Variants in FNIP2 observed in about 807,000 individuals in gnomAD.
The protein encoded by FNIP2 is folliculin-interacting protein 2.
Under a neutral mutation model 108.7 loss-of-function variants are expected in FNIP2, and 32 were observed. The observed-to-expected ratio is 0.29, with a 90% CI of 0.22 to 0.40. The LOEUF (loss-of-function observed/expected upper bound fraction) is 0.40. Among genes scored for constraint, FNIP2 ranks in the 10% least tolerant of loss-of-function variants. The probability of loss-of-function intolerance (pLI) is 1.00; values close to 1 mark genes in which losing one functional copy is unlikely to be tolerated. For synonymous variants in FNIP2, 480 were observed against 496.7 expected, an observed-to-expected ratio of 0.97 and a Z score of 0.45; for missense variants, 1,202 against 1,381.6, an observed-to-expected ratio of 0.87 and a Z score of 2.06.
chr4:158,807,361 G>C (rs1361667109), intron 1 of FNIP2, among the ~76,000 whole-genome samples: 5 of 151,956 alleles, frequency 3.3e-5, no homozygotes, highest in Admixed American at 3.3e-4. Flanking sequence ...TAATTAGCAG[G>C]GCATGGGGGC....
chr4:158,847,827 T>C (rs776098131), intron 7 of FNIP2, among the ~76,000 whole-genome samples: 1 of 152,172 alleles, frequency 6.6e-6, no homozygotes, highest in Non-Finnish European at 1.5e-5. Flanking sequence ...TGAAGAGCCC[T>C]TGGGCGTTAA....
At chr4:158,838,416 T>G (rs1778933649) in intron 7 of FNIP2, among the ~76,000 whole-genome samples, 1 of 152,076 alleles carries the variant, frequency 6.6e-6, no homozygotes, top group African/African-American at 2.4e-5. Flanking sequence ...AGATGGAGTT[T>G]CGCCATGTTG....
At position 158,907,350 on chromosome 4, in the gene FNIP2, A is replaced by G. The variant is rs1316993611; in HGVS notation, c.*2806A>G. 1 of 152,146 alleles carries G rather than the reference A, an allele frequency of 6.6e-6. No individual in the cohort carries two copies. The highest frequency in any genetic ancestry group is 1.9e-4 in the East Asian group (1 of 5,200). The allele number at this position is 152,146 out of a possible 1,614,324, so 9.4% of individuals were successfully genotyped here. A position where few individuals can be genotyped will look rare whatever the true frequency, so the allele number is the denominator to read the frequency against. On this transcript the variant is annotated 3_prime_UTR_variant, in exon 17 of 17. Coordinates refer to ENST00000264433, the MANE Select transcript of FNIP2 (RefSeq NM_020840.3). ...CTGTTTTTTAATGAAAGTAACTATA[A>G]TCTTTTCACATCCCATGGAACTGCC...
chr4:158,848,542 A>G (rs1342843904), intron 7 of FNIP2, among the ~76,000 whole-genome samples: 1 of 152,164 alleles, frequency 6.6e-6, no homozygotes, highest in Non-Finnish European at 1.5e-5. Flanking sequence ...TACAATCAAT[A>G]CCTAACTCTT....
At chr4:158,872,734 GTT>G in intron 14 of FNIP2, 4 of 806,920 alleles carry the variant, frequency 5.0e-6, no homozygotes, top group South Asian at 5.9e-5. Context: ...CTATGGTAGT[GTT>G]TTTTTTTTTT....
Position 158,869,262 on chromosome 4 carries a change from A to T in FNIP2, c.2626A>T (p.Asn876Tyr), listed in dbSNP as rs1205045473. The T allele has an allele frequency of 1.2e-6, 2 of 1,613,892 alleles. No homozygotes were observed. The highest frequency in any genetic ancestry group is 1.7e-6 in the Non-Finnish European group (2 of 1,179,886). The change falls in exon 13 of 17, where the codon AAC (asparagine) becomes TAC (tyrosine). Residue 876 changes from asparagine (N) to tyrosine (Y), a missense_variant. Around this residue, in one of 5 missense-constraint regions of FNIP2, gnomAD observed 878 missense variants for 990.3 expected, o/e 0.89. Coordinates refer to ENST00000264433, the MANE Select transcript of FNIP2 (RefSeq NM_020840.3). Reference protein sequence around the residue: ...AGANIPCGDDNKKANFRTEGD... With the variant: ...AGANIPCGDDYKKANFRTEGD... ...TGCGAATATCCCCTGTGGGGATGAC[A>T]ACAAGAAGGCCAACTTCAGGACTGA...
chr4:158,813,852 G>A (rs1264893205), intron 1 of FNIP2, among the ~76,000 whole-genome samples: 1 of 152,152 alleles, frequency 6.6e-6, no homozygotes, highest in Non-Finnish European at 1.5e-5. Context: ...GTTTATTTTT[G>A]TGAAGGATGT....
intron 1 of FNIP2, among the ~76,000 whole-genome samples, chr4:158,787,943 GCTCCTCCTTTC>G (rs1776275364): frequency 6.6e-6 from 1 of 152,106 alleles, no homozygotes; most frequent in African/African-American, 2.4e-5. Context: ...TTGGAACTTG[GCTCCTCCTTTC>G]CTCCTTTAAC....
At position 158,891,794 on chromosome 4, in the gene FNIP2, C is replaced by T. The variant is rs188404103; in HGVS notation, c.3150+148C>T. ...AAACTAGAACATGCAGCATAAAACT[C>T]GCAACAGGATAGATTTCAGTAGTAA... On this transcript the variant is annotated intron_variant, in intron 15 of 16. Transcript: ENST00000264433. 6.0e-3 allele frequency: 4,580 copies of T among 766,678 alleles called. 20 individuals are homozygous for T. The highest frequency in any genetic ancestry group is 8.4e-3 in the Non-Finnish European group (4,087 of 486,968). The allele number at this position is 766,678 out of a possible 1,614,324, so 47.5% of individuals were successfully genotyped here.
chr4:158,828,932 T>C, intron 2 of FNIP2, 147 bp from the exon 3 acceptor site: 1 of 626,066 alleles, frequency 1.6e-6, no homozygotes, highest in Admixed American at 3.5e-5. Flanking sequence ...ACCATGTTTT[T>C]GTCATTATTG....
chr4:158,871,298 T>C (rs1035361230), intron 14 of FNIP2: 1 of 835,880 alleles, frequency 1.2e-6, no homozygotes, highest in Non-Finnish European at 1.4e-6. Context: ...TGTGCAAAAA[T>C]AGACATTTTG....
chr4:158,770,544 AAATT>A (rs775169591), intron 1 of FNIP2, among the ~76,000 whole-genome samples: 10 of 152,162 alleles, frequency 6.6e-5, no homozygotes, highest in Admixed American at 1.3e-4. Context: ...GGTCATGTGA[AAATT>A]AAACGTGTGT....
At chr4:158,811,696 G>T (rs75600262) in intron 1 of FNIP2, among the ~76,000 whole-genome samples, 10,333 of 152,126 alleles carry the variant, frequency 0.068, 485 homozygotes, top group Middle Eastern at 0.15. Context: ...AACTTCTGGG[G>T]TAATTCTAAC....
At chr4:158,785,074 A>G (rs1443505594) in intron 1 of FNIP2, among the ~76,000 whole-genome samples, 1 of 147,928 alleles carries the variant, frequency 6.8e-6, no homozygotes, top group African/African-American at 2.6e-5. Flanking sequence ...ATTAGCCAGT[A>G]TATAAAGTTC....
intron 1 of FNIP2, among the ~76,000 whole-genome samples, chr4:158,820,283 C>T (rs550318421): frequency 6.6e-6 from 1 of 152,222 alleles, no homozygotes; most frequent in South Asian, 2.1e-4. Context: ...CATGCTTTTT[C>T]CACATGGGGA....
intron 2 of FNIP2, among the ~76,000 whole-genome samples, chr4:158,826,590 AT>A (rs1048149957): frequency 2.6e-5 from 4 of 151,810 alleles, no homozygotes; most frequent in East Asian, 1.9e-4. Flanking sequence ...TTTATTTCCC[AT>A]TTTTTTTGTG....
At chr4:158,785,876 G>A (rs1369200914) in intron 1 of FNIP2, among the ~76,000 whole-genome samples, 2 of 152,002 alleles carry the variant, frequency 1.3e-5, no homozygotes, top group Non-Finnish European at 1.5e-5. Context: ...TTGTTTCTGA[G>A]GTCATATCTG....
intron 14 of FNIP2, among the ~76,000 whole-genome samples, chr4:158,886,942 T>C (rs1032040543): frequency 3.3e-5 from 5 of 152,214 alleles, no homozygotes; most frequent in Admixed American, 3.3e-4. Context: ...GGAAAAAAGA[T>C]GTTAGCATTA....
intron 5 of FNIP2, among the ~76,000 whole-genome samples, chr4:158,833,073 G>T (rs1260416213): frequency 6.6e-6 from 1 of 152,122 alleles, no homozygotes; most frequent in Non-Finnish European, 1.5e-5. Context: ...TTTTATTCCT[G>T]AAAAAAGTTG....
Sources: allele counts gnomAD v4.1 joint callset (sites outside exome capture counted in the v4.1 genomes callset), GRCh38; gene constraint gnomAD v4.1.1; regional missense constraint gnomAD v4.1.1; transcripts MANE v1.5; gene names NCBI Gene and HGNC (gene_info 2026-07-23, HGNC 2026-07-21).